SLTM: variants seen among roughly 807,000 people sequenced by gnomAD.
The protein encoded by SLTM is SAFB like transcription modulator.
SLTM carries 43 observed loss-of-function variants against 134.6 expected under a neutral mutation model. The observed-to-expected ratio is 0.32, with a 90% CI of 0.25 to 0.41. SLTM has a LOEUF of 0.41. Among genes scored for constraint, SLTM ranks in the 10% least tolerant of loss-of-function variants. The pLI is 1.00. For synonymous variants in SLTM, 424 were observed against 432.3 expected (o/e 0.98, Z 0.24); for missense variants, 1,055 against 1,288.8 (o/e 0.82, Z 2.78).
intron 17 of SLTM, 80 bp downstream of exon 17, chr15:58,888,305 T>C: frequency 7.8e-7 from 1 of 1,285,218 alleles, no homozygotes; most frequent in South Asian, 1.5e-5. Flanking sequence ...ACCTGGTACT[T>C]CCAGTTAAGA....
intron 2 of SLTM, among the ~76,000 whole-genome samples, chr15:58,922,533 T>A (rs1342832605): frequency 4.5e-5 from 4 of 88,864 alleles, no homozygotes; most frequent in Admixed American, 1.5e-4. Context: ...TATACGTATA[T>A]AATATATTTT....
intron 5 of SLTM, among the ~76,000 whole-genome samples, chr15:58,908,510 G>T (rs2036033836): frequency 6.6e-6 from 1 of 152,062 alleles, no homozygotes. Context: ...GGGACTACAG[G>T]CACAGACCAC....
intron 3 of SLTM, among the ~76,000 whole-genome samples, chr15:58,915,353 C>T (rs963303923): frequency 2.0e-5 from 3 of 152,160 alleles, no homozygotes; most frequent in Non-Finnish European, 2.9e-5. Context: ...GTATATATCT[C>T]CTTAGGCCAT....
At chr15:58,925,073 TA>T (rs61197202) in intron 2 of SLTM, among the ~76,000 whole-genome samples, 1,676 of 124,928 alleles carry the variant, frequency 0.013, 22 homozygotes, top group African/African-American at 0.041. Context: ...GATAAAATGT[TA>T]AAAAAAAAAA....
chr15:58,904,982 T>C (rs1388028040), intron 5 of SLTM, among the ~76,000 whole-genome samples: 1 of 152,160 alleles, frequency 6.6e-6, no homozygotes, highest in African/African-American at 2.4e-5. Context: ...GTCCTGGGAT[T>C]ACAGGCGTGA....
chr15:58,925,927 T>C (rs563620421), intron 2 of SLTM, among the ~76,000 whole-genome samples: 1 of 152,122 alleles, frequency 6.6e-6, no homozygotes, highest in South Asian at 2.1e-4. Flanking sequence ...AATGTAGAAG[T>C]TTTCCGAAAA....
intron 2 of SLTM, among the ~76,000 whole-genome samples, chr15:58,922,377 C>CAAAAAAAAAAAAA (rs59996812): frequency 1.6e-5 from 1 of 61,132 alleles, no homozygotes; most frequent in Non-Finnish European, 2.7e-5. Flanking sequence ...AACTCTGCCT[C>CAAAAAAAAAAAAA]AAAAAAAAAA....
At chr15:58,919,018 G>A (rs569006386) in intron 2 of SLTM, among the ~76,000 whole-genome samples, 81 of 151,896 alleles carry the variant, frequency 5.3e-4, no homozygotes, top group African/African-American at 1.9e-3. Context: ...GAGTTCAAGC[G>A]ATTCTCCTGC....
At chr15:58,915,717 G>A (rs2036589885) in intron 3 of SLTM, among the ~76,000 whole-genome samples, 1 of 152,100 alleles carries the variant, frequency 6.6e-6, no homozygotes, top group African/African-American at 2.4e-5. Flanking sequence ...GTCTGTGTGT[G>A]TGTGTGCAGC....
In SLTM at chr15:58,889,650, C is replaced by A. The variant is rs190623499; in HGVS notation, c.2080-96G>T. The A allele has an allele frequency of 8.7e-6, 13 of 1,492,184 alleles. No homozygotes were observed. The East Asian group carries it at 3.0e-4, about 35-fold the overall frequency. The allele number at this position is 1,492,184 out of a possible 1,614,324, so 92.4% of individuals were successfully genotyped here. A position where few individuals can be genotyped will look rare whatever the true frequency, so the allele number is the denominator to read the frequency against. ...TGTTTTAATCCTGTTGCTAAGAAACCATCATAAGCAAAGACCAGGCAAAAC... is the reference window on the plus strand; with the variant it reads ...TGTTTTAATCCTGTTGCTAAGAAACAATCATAAGCAAAGACCAGGCAAAAC... On this transcript the variant is annotated intron_variant, in intron 15 of 20. Transcript: ENST00000380516.
At chr15:58,911,068 A>T (rs1189719818) in intron 5 of SLTM, among the ~76,000 whole-genome samples, 1 of 152,094 alleles carries the variant, frequency 6.6e-6, no homozygotes, top group African/African-American at 2.4e-5. Flanking sequence ...TATCACTAGG[A>T]AATCAATGTA....
In SLTM at chr15:58,879,593, A is replaced by C. The variant is rs372022172; in HGVS notation, c.*406T>G. ...AAAATTAGACAGCTAAGACTTCTTA[A>C]GTGTAGACAGCCTTCAAAATGGAGG... On this transcript the variant is annotated 3_prime_UTR_variant, in exon 21 of 21. Transcript: ENST00000380516. 1.8e-4 allele frequency: 28 copies of C among 156,856 alleles called. No individual in the cohort carries two copies. In the East Asian group the frequency reaches 4.3e-3, roughly 24 times the overall value. The allele number at this position is 156,856 out of a possible 1,614,324, so 9.7% of individuals were successfully genotyped here.
Position 58,916,164 on chromosome 15 carries a change from ATCTC to A in SLTM, c.315+767_315+770del, listed in dbSNP as rs1207894296. Among the ~76,000 whole-genome samples the A allele has an allele frequency of 1.2e-3, 174 of 142,408 alleles. No homozygotes were observed. The Middle Eastern group carries it at 0.023, about 19-fold the overall frequency. 93.4% of individuals were successfully genotyped at this position (142,408 alleles called of 152,430 possible). A position where few individuals can be genotyped will look rare whatever the true frequency, so the allele number is the denominator to read the frequency against. ...AGGGCAAAATAAATTTCTTAATTTG[ATCTC>A]TCTCTCTCTCTTTTTTTTTTTTTTT... On this transcript the variant is annotated intron_variant, in intron 3 of 20. Transcript: ENST00000380516.
At chr15:58,898,711 C>A in intron 8 of SLTM, 92 bp downstream of exon 8, 1 of 928,436 alleles carries the variant, frequency 1.1e-6, no homozygotes, top group South Asian at 1.4e-5. Flanking sequence ...TTTTTAAGGA[C>A]TAAATGTCAA....
chr15:58,916,248 A>G (rs929318908), intron 3 of SLTM, among the ~76,000 whole-genome samples: 4 of 147,438 alleles, frequency 2.7e-5, no homozygotes, highest in Non-Finnish European at 3.0e-5. Flanking sequence ...ATTTCGGCTC[A>G]CTGCACCCTC....
chr15:58,889,018 A>G (rs2034448509), intron 16 of SLTM: 1 of 191,082 alleles, frequency 5.2e-6, no homozygotes, highest in Admixed American at 5.3e-5. Flanking sequence ...ATTTATGTTA[A>G]GAAGATTAAA....
chr15:58,911,139 G>C (rs902489200), intron 5 of SLTM, among the ~76,000 whole-genome samples: 2 of 152,110 alleles, frequency 1.3e-5, no homozygotes, highest in African/African-American at 4.8e-5. Flanking sequence ...TATTCCAAAT[G>C]ATCAGCAACA....
In SLTM at chr15:58,882,181, CA is replaced by C. The variant is rs71119415; in HGVS notation, c.2996+1444del. Among the ~76,000 whole-genome samples the C allele has an allele frequency of 2.9e-4, 17 of 59,524 alleles. 3 individuals carry two copies. Among genetic ancestry groups the C allele is most frequent in the African/African-American group, 1.0e-3 (17 of 16,968 alleles). 39.1% of individuals were successfully genotyped at this position (59,524 alleles called of 152,430 possible). On this transcript the variant is annotated intron_variant, in intron 20 of 20. Coordinates refer to ENST00000380516, the MANE Select transcript of SLTM (RefSeq NM_024755.4). Reference sequence around the variant, plus strand: ...GCCTGGACAGAGCAAGACTCTGTCTCAAAAAAAAAAAACCACACTTAGAAAT... The same window carrying C: ...GCCTGGACAGAGCAAGACTCTGTCTCAAAAAAAAAAACCACACTTAGAAAT...
intron 20 of SLTM, among the ~76,000 whole-genome samples, chr15:58,882,212 A>C (rs1329870190): frequency 6.9e-6 from 1 of 144,696 alleles, no homozygotes; most frequent in Non-Finnish European, 1.5e-5. Flanking sequence ...AGAAATTTAT[A>C]CTAGGAATGA....
Sources: gnomAD v4.1 joint callset for allele counts (sites outside exome capture counted in the v4.1 genomes callset) on GRCh38, gnomAD v4.1.1 for gene constraint, MANE v1.5 for transcripts, NCBI Gene and HGNC (gene_info 2026-07-23, HGNC 2026-07-21) for gene names.